Variants in PDE1A observed in about 807,000 individuals in gnomAD.
PDE1A encodes the protein dual specificity calcium/calmodulin-dependent 3',5'-cyclic nucleotide phosphodiesterase 1A.
PDE1A carries 35 observed loss-of-function variants against 61.7 expected under a neutral mutation model. That is an observed-to-expected ratio of 0.57 (90% CI 0.43 to 0.75). PDE1A has a LOEUF of 0.75. Among genes scored for constraint, PDE1A ranks in the 30% least tolerant of loss-of-function variants. The probability of loss-of-function intolerance (pLI) is 0.00; values close to 1 mark genes in which losing one functional copy is unlikely to be tolerated. For synonymous variants in PDE1A, 232 were observed against 213.2 expected (o/e 1.09, Z -0.77); for missense variants, 597 against 630.6 (o/e 0.95, Z 0.57).
intron 2 of PDE1A, among the ~76,000 whole-genome samples, chr2:182,251,566 C>T (rs1011968048): frequency 6.6e-6 from 1 of 152,166 alleles, no homozygotes; most frequent in African/African-American, 2.4e-5. Context: ...AGGCCCAGCA[C>T]CCTGGTTTAA....
chr2:182,153,483 A>G (rs966751192), intron 13 of PDE1A, among the ~76,000 whole-genome samples: 1 of 152,216 alleles, frequency 6.6e-6, no homozygotes, highest in Admixed American at 6.5e-5. Context: ...TCAGAGTGTC[A>G]TTCTTTTAGA....
chr2:182,341,427 T>C (rs188231275), intron 1 of PDE1A, among the ~76,000 whole-genome samples: 129 of 152,346 alleles, frequency 8.5e-4, no homozygotes, highest in African/African-American at 3.1e-3. Flanking sequence ...TTTAATGTCA[T>C]CTTTGAAGAT....
At chr2:182,541,119 A>T in the PDE1A span, among the ~76,000 whole-genome samples, 1 of 152,232 alleles carries the variant, frequency 6.6e-6, no homozygotes, top group Non-Finnish European at 1.5e-5. Flanking sequence ...TAGAGTTCAA[A>T]ACATATACAA....
the PDE1A span, among the ~76,000 whole-genome samples, chr2:182,624,117 T>C: frequency 8.2e-5 from 9 of 109,520 alleles, no homozygotes; most frequent in East Asian, 2.2e-3. Flanking sequence ...AGAGCGAGAC[T>C]CCGTCTCAAA....
At chr2:182,605,758 T>C in the PDE1A span, among the ~76,000 whole-genome samples, 6 of 152,294 alleles carry the variant, frequency 3.9e-5, no homozygotes, top group East Asian at 1.2e-3. Context: ...TGTCTCTGAG[T>C]ATTCCACAAA....
chr2:182,240,030 C>T, intron 3 of PDE1A, 80 bp downstream of exon 3: 2 of 1,227,856 alleles, frequency 1.6e-6, no homozygotes, highest in Non-Finnish European at 2.3e-6. Flanking sequence ...GAAATATAGA[C>T]TGCTCATACC....
In PDE1A at chr2:182,294,567, A is replaced by C. The variant is rs936964550; in HGVS notation, c.54-30153T>G. 7.2e-5 allele frequency among the ~76,000 whole-genome samples: 11 copies of C among 152,140 alleles called. 1 individual carries two copies. Among genetic ancestry groups the C allele is most frequent in the African/African-American group, 2.7e-4 (11 of 41,438 alleles). ...ACATTCTGTTTTAAGAGAAAGTCCA[A>C]ATTTCCTTCTATAGGATCCCCATAG... On this transcript the variant is annotated intron_variant, in intron 1 of 13. Coordinates refer to ENST00000351439, the Ensembl canonical transcript of PDE1A.
chr2:182,557,627 G>T, the PDE1A span, among the ~76,000 whole-genome samples: 3 of 151,976 alleles, frequency 2.0e-5, no homozygotes, highest in Non-Finnish European at 4.4e-5. Context: ...TGGGAAGATG[G>T]CTTGAACCCG....
intron 7 of PDE1A, among the ~76,000 whole-genome samples, chr2:182,214,364 C>T (rs964164494): frequency 2.0e-5 from 3 of 151,448 alleles, no homozygotes. Flanking sequence ...AACTAACGAG[C>T]AAAATAACCA....
chr2:182,391,867 T>C (rs548381319), intron 1 of PDE1A, among the ~76,000 whole-genome samples: 19 of 152,276 alleles, frequency 1.2e-4, no homozygotes, highest in Non-Finnish European at 2.2e-4. Context: ...CTTACATAAT[T>C]TGTACATGCA....
At chr2:182,227,421 G>A (rs1012469691) in intron 6 of PDE1A, among the ~76,000 whole-genome samples, 2 of 151,982 alleles carry the variant, frequency 1.3e-5, no homozygotes, top group Non-Finnish European at 2.9e-5. Flanking sequence ...GATTCCTTGT[G>A]TATCTAAAAA....
rs548453316 is a variant in PDE1A, at chr2:182,502,564, T to C, written c.101+19712A>G. ...CCCTGACCCCCTATCTGTCCAGCTA[T>C]GTATGTATTTGTTAAGGCCACTTGA... On this transcript the variant is annotated intron_variant, in intron 2 of 14. Transcript: ENST00000410103. Among the ~76,000 whole-genome samples the C allele has an allele frequency of 3.3e-5, 5 of 152,314 alleles. No homozygotes were observed. The East Asian group carries it at 9.7e-4, about 29-fold the overall frequency.
intron 12 of PDE1A, 126 bp downstream of exon 12, chr2:182,186,342 G>T: frequency 8.9e-7 from 1 of 1,117,676 alleles, no homozygotes; most frequent in Non-Finnish European, 1.3e-6. Flanking sequence ...AAAGCCACTA[G>T]GTGGCAATAC....
intron 1 of PDE1A, among the ~76,000 whole-genome samples, chr2:182,330,150 C>A (rs1697309876): frequency 6.6e-6 from 1 of 151,912 alleles, no homozygotes; most frequent in South Asian, 2.1e-4. Flanking sequence ...TCAAGACCAG[C>A]CTGGCCAACA....
chr2:182,695,510 CA>C, the PDE1A span, among the ~76,000 whole-genome samples: 131 of 151,696 alleles, frequency 8.6e-4, no homozygotes, highest in African/African-American at 3.0e-3. Flanking sequence ...ACTAAAACTA[CA>C]AAAAAATTAG....
chr2:182,270,781 A>G (rs1213779189), intron 1 of PDE1A, among the ~76,000 whole-genome samples: 5 of 151,668 alleles, frequency 3.3e-5, no homozygotes, highest in African/African-American at 1.2e-4. Flanking sequence ...GAAATCGCAT[A>G]AATAGAAACT....
At chr2:182,482,156 G>A (rs151244534) in intron 2 of PDE1A, among the ~76,000 whole-genome samples, 155 of 151,670 alleles carry the variant, frequency 1.0e-3, no homozygotes, top group Middle Eastern at 3.4e-3. Flanking sequence ...TTGATTAAGC[G>A]CAATAATAAA....
chr2:182,230,222 G>A, intron 5 of PDE1A, 76 bp from the exon 6 acceptor site: 1 of 1,169,500 alleles, frequency 8.6e-7, no homozygotes. Flanking sequence ...TGTTTGTCAT[G>A]GAACATATTA....
chr2:182,494,784 A>G (rs773215012), intron 2 of PDE1A, among the ~76,000 whole-genome samples: 1 of 151,990 alleles, frequency 6.6e-6, no homozygotes, highest in Non-Finnish European at 1.5e-5. Context: ...CAACTCTCCA[A>G]CTTACTAGGC....
Sources: allele counts gnomAD v4.1 joint callset (sites outside exome capture counted in the v4.1 genomes callset), GRCh38; gene constraint gnomAD v4.1.1; transcripts MANE v1.5; gene names NCBI Gene and HGNC (gene_info 2026-07-23, HGNC 2026-07-21).